Variants in UGT2B17 observed in about 807,000 individuals in gnomAD.
UGT2B17 encodes the protein UDP glucuronosyltransferase family 2 member B17, also known as UDP-glucuronosyltransferase 2B17.
In UGT2B17, 21 loss-of-function variants were observed where a neutral mutation model predicts 48.2. The ratio of observed to expected loss-of-function variants is 0.44; its 90% confidence interval spans 0.31 to 0.63. The LOEUF (loss-of-function observed/expected upper bound fraction) is 0.63. UGT2B17 is among the 20% of genes least tolerant of loss of function. The pLI is 0.08. For missense variants in UGT2B17, 402 were observed against 696.1 expected (o/e 0.58, Z 4.75); for synonymous variants, 146 against 238.4 (o/e 0.61, Z 3.57).
intron 3 of UGT2B17, among the ~76,000 whole-genome samples, chr4:68,564,522 C>T (rs1386145641): frequency 8.2e-6 from 1 of 122,664 alleles, no homozygotes; most frequent in Non-Finnish European, 1.7e-5. Context: ...CTCCTGACCT[C>T]AGGCGATCCG....
chr4:68,544,330 C>T lies in UGT2B17; in HGVS notation c.1313+6347G>A, dbSNP rs1399408212. Reference sequence around the variant, plus strand: ...ACCCAGAATTTCATATCCAGCCAAACTAAGCTTCATAAGTGAAGGAGAAAT... The same window carrying T: ...ACCCAGAATTTCATATCCAGCCAAATTAAGCTTCATAAGTGAAGGAGAAAT... On this transcript the variant is annotated intron_variant, in intron 6 of 6. Coordinates refer to ENST00000317746, the MANE Select transcript of UGT2B17 (RefSeq NM_001077.4). Among the ~76,000 whole-genome samples, 3 of 125,850 alleles carry T rather than the reference C, an allele frequency of 2.4e-5. 1 individual carries two copies. Among genetic ancestry groups the T allele is most frequent in the Non-Finnish European group, 5.0e-5 (3 of 59,544 alleles). The allele number at this position is 125,850 out of a possible 152,430, so 82.6% of individuals were successfully genotyped here.
chr4:68,550,922 G>T, intron 5 of UGT2B17, 26 bp from the exon 6 acceptor site: 1 of 1,338,002 alleles, frequency 7.5e-7, no homozygotes, highest in Non-Finnish European at 9.8e-7. Flanking sequence ...TTTTAACAAA[G>T]TTATTAATTA....
intron 1 of UGT2B17, among the ~76,000 whole-genome samples, chr4:68,571,511 T>C (rs1349907488): frequency 7.9e-6 from 1 of 126,954 alleles, no homozygotes; most frequent in Non-Finnish European, 1.7e-5. Flanking sequence ...TGTGACTGTT[T>C]TTGTGGTACT....
intron 2 of UGT2B17, 23 bp downstream of exon 2, chr4:68,567,738 C>T (rs762477849): frequency 7.8e-7 from 1 of 1,275,910 alleles, no homozygotes; most frequent in Non-Finnish European, 1.0e-6. Context: ...ACTTAATAAA[C>T]ACCAATTGGA....
rs1731312786 is a variant in UGT2B17, at chr4:68,572,590, T to A, written c.-65+3361A>T. 1.6e-5 allele frequency among the ~76,000 whole-genome samples: 2 copies of A among 126,460 alleles called. 1 individual carries two copies. The highest frequency in any genetic ancestry group is 5.4e-5 in the African/African-American group (2 of 36,846). 83.0% of individuals were successfully genotyped at this position (126,460 alleles called of 152,430 possible). On this transcript the variant is annotated intron_variant, in intron 1 of 6. Coordinates refer to ENST00000317746, the MANE Select transcript of UGT2B17 (RefSeq NM_001077.4). Reference sequence around the variant, plus strand: ...AAGAAAGACGATTATGAGGGCGTGATCATGGAAGGCAATTAGCTCTTTTAT... The same window carrying A: ...AAGAAAGACGATTATGAGGGCGTGAACATGGAAGGCAATTAGCTCTTTTAT...
In UGT2B17 at chr4:68,567,517, C is replaced by T. The variant is rs1731220801; in HGVS notation, c.724+244G>A. ...ATGATATGTGATGGCTTAAAGAAAT[C>T]ATAAGTGTTTTACATTGAAGGTTTA... is the stretch of plus-strand genomic sequence containing the variant. On this transcript the variant is annotated intron_variant, in intron 2 of 6. Coordinates refer to ENST00000317746, the MANE Select transcript of UGT2B17 (RefSeq NM_001077.4). 1.6e-5 allele frequency among the ~76,000 whole-genome samples: 2 copies of T among 125,186 alleles called. 1 individual carries two copies. The highest frequency in any genetic ancestry group is 1.6e-4 in the Admixed American group (2 of 12,170). The allele number at this position is 125,186 out of a possible 152,430, so 82.1% of individuals were successfully genotyped here.
Position 68,562,574 on chromosome 4 carries a change from G to A in UGT2B17, c.874-1906C>T, listed in dbSNP as rs1434539539. On this transcript the variant is annotated intron_variant, in intron 3 of 6. Coordinates refer to ENST00000317746, the MANE Select transcript of UGT2B17 (RefSeq NM_001077.4). ...GACAAAAGTCTTCTTCATCCACCAA[G>A]TATTGAAGTAAAAAATCGTCTGTTT... 1.6e-5 allele frequency among the ~76,000 whole-genome samples: 2 copies of A among 125,836 alleles called. 1 individual carries two copies. The highest frequency in any genetic ancestry group is 3.4e-5 in the Non-Finnish European group (2 of 59,558). 82.6% of individuals were successfully genotyped at this position (125,836 alleles called of 152,430 possible).
rs1283587340 is a variant in UGT2B17, at chr4:68,561,029, C to G, written c.874-361G>C. ...GTTATTGGAAGGTAGCTTTACTTGG[C>G]TTTAATTCTATTTTTTTTTGTAGTT... On this transcript the variant is annotated intron_variant, in intron 3 of 6. Coordinates refer to ENST00000317746, the MANE Select transcript of UGT2B17 (RefSeq NM_001077.4). Among the ~76,000 whole-genome samples the G allele has an allele frequency of 8.2e-5, 10 of 122,178 alleles. 3 individuals carry two copies. Among genetic ancestry groups the G allele is most frequent in the African/African-American group, 1.4e-4 (5 of 34,778 alleles). The allele number at this position is 122,178 out of a possible 152,430, so 80.2% of individuals were successfully genotyped here.
At chr4:68,561,032 T>C (rs1346818011) in intron 3 of UGT2B17, among the ~76,000 whole-genome samples, 2 of 123,502 alleles carry the variant, frequency 1.6e-5, no homozygotes, top group African/African-American at 5.7e-5. Flanking sequence ...TACTTGGCTT[T>C]AATTCTATTT....
chr4:68,544,846 G>A lies in UGT2B17; in HGVS notation c.1313+5831C>T, dbSNP rs1339982803. Among the ~76,000 whole-genome samples, 9 of 125,916 alleles carry A rather than the reference G, an allele frequency of 7.1e-5. 1 individual carries two copies. Among genetic ancestry groups the A allele is most frequent in the Admixed American group, 2.4e-4 (3 of 12,332 alleles). 82.6% of individuals were successfully genotyped at this position (125,916 alleles called of 152,430 possible). A position where few individuals can be genotyped will look rare whatever the true frequency, so the allele number is the denominator to read the frequency against. ...ACCAGCAAAGATCAAAAGAGACAAG[G>A]CCATTACATAATGGTAAAGGGATCA... On this transcript the variant is annotated intron_variant, in intron 6 of 6. Coordinates refer to ENST00000317746, the MANE Select transcript of UGT2B17 (RefSeq NM_001077.4).
rs994080011 is a variant in UGT2B17, at chr4:68,562,501, G to A, written c.874-1833C>T. The stretch of plus-strand genomic sequence containing the variant: ...GAACTCAGTGTAATTGCAGTTGCCT[G>A]TAGCCACATTTAATGTAACTTCGGT... On this transcript the variant is annotated intron_variant, in intron 3 of 6. Transcript: ENST00000317746. 3.2e-5 allele frequency among the ~76,000 whole-genome samples: 4 copies of A among 125,790 alleles called. 1 individual carries two copies. The highest frequency in any genetic ancestry group is 3.7e-4 in the South Asian group (1 of 2,718). 82.5% of individuals were successfully genotyped at this position (125,790 alleles called of 152,430 possible).
chr4:68,566,446 G>GT (rs951471935), intron 2 of UGT2B17, among the ~76,000 whole-genome samples: 1 of 120,488 alleles, frequency 8.3e-6, no homozygotes, highest in Admixed American at 8.8e-5. Flanking sequence ...TCGAGGGAGG[G>GT]ACCCAGTGGC....
chr4:68,557,100 A>T (rs1322409672), intron 4 of UGT2B17, among the ~76,000 whole-genome samples: 2 of 124,748 alleles, frequency 1.6e-5, no homozygotes, highest in Admixed American at 1.7e-4. Flanking sequence ...ATGTGTTCCA[A>T]AATTATGGGA....
chr4:68,566,112 A>G (rs1222296143), intron 2 of UGT2B17, among the ~76,000 whole-genome samples: 1 of 118,806 alleles, frequency 8.4e-6, no homozygotes, highest in Non-Finnish European at 1.7e-5. Flanking sequence ...ACAATATTTA[A>G]TATTTAATTT....
rs1731260872 is a variant in UGT2B17 at position 68,569,191 on chromosome 4, G to T, written c.-64-643C>A. ...TGTGAATTTTAGCTGCAGGTCAACT[G>T]CAAGGACAGACCAGCAATTCTGAGA... On this transcript the variant is annotated intron_variant, in intron 1 of 6. Coordinates refer to ENST00000317746, the MANE Select transcript of UGT2B17 (RefSeq NM_001077.4). 1.6e-5 allele frequency among the ~76,000 whole-genome samples: 2 copies of T among 124,000 alleles called. 1 individual carries two copies. The highest frequency in any genetic ancestry group is 3.4e-5 in the Non-Finnish European group (2 of 59,044). The allele number at this position is 124,000 out of a possible 152,430, so 81.3% of individuals were successfully genotyped here.
chr4:68,570,149 A>G (rs1731276488), intron 1 of UGT2B17, among the ~76,000 whole-genome samples: 1 of 126,966 alleles, frequency 7.9e-6, no homozygotes, highest in African/African-American at 2.7e-5. Context: ...AGCTGGGAGC[A>G]TCGGCAAGCT....
rs1242549464 is a variant in UGT2B17, at chr4:68,565,457, C to CT, written c.873+114dup. ...ATATATGATTTTCTAATGGCAAGTCCTTTTTTTTGACCTCCCATATTCCCC... is the reference window on the plus strand; with the variant it reads ...ATATATGATTTTCTAATGGCAAGTCCTTTTTTTTTGACCTCCCATATTCCCC... On this transcript the variant is annotated intron_variant, in intron 3 of 6. Transcript: ENST00000317746. The CT allele has an allele frequency of 8.1e-5, 80 of 986,860 alleles. 5 individuals are homozygous for CT. The highest frequency in any genetic ancestry group is 1.5e-4 in the South Asian group (5 of 32,466). 61.1% of individuals were successfully genotyped at this position (986,860 alleles called of 1,614,324 possible). A position where few individuals can be genotyped will look rare whatever the true frequency, so the allele number is the denominator to read the frequency against.
intron 3 of UGT2B17, among the ~76,000 whole-genome samples, chr4:68,564,306 T>TTTTTTA (rs1731158062): frequency 8.8e-6 from 1 of 114,242 alleles, no homozygotes; most frequent in African/African-American, 3.1e-5. Flanking sequence ...TTTTTTTTTT[T>TTTTTTA]GAGACAGAGT....
intron 6 of UGT2B17, among the ~76,000 whole-genome samples, chr4:68,545,694 G>A (rs375263909): frequency 8.0e-6 from 1 of 125,268 alleles, no homozygotes; most frequent in African/African-American, 2.7e-5. Context: ...TAATAAAGAA[G>A]AAAAGAGAGA....
Sources: gnomAD v4.1 joint callset for allele counts (sites outside exome capture counted in the v4.1 genomes callset) on GRCh38, gnomAD v4.1.1 for gene constraint, MANE v1.5 for transcripts, NCBI Gene and HGNC (gene_info 2026-07-23, HGNC 2026-07-21) for gene names.